Variants in UBA6 observed in about 807,000 individuals in gnomAD.
UBA6 encodes the protein ubiquitin-like modifier-activating enzyme 6.
UBA6 carries 87 observed loss-of-function variants against 148.3 expected under a neutral mutation model. That is an observed-to-expected ratio of 0.59 (90% confidence interval 0.49 to 0.70). UBA6 has a LOEUF of 0.70. Among genes scored for constraint, UBA6 ranks in the 30% least tolerant of loss-of-function variants. The pLI is 0.00. For synonymous variants in UBA6, 376 were observed against 401.0 expected (o/e 0.94, Z 0.75); for missense variants, 1,186 against 1,241.2 (o/e 0.96, Z 0.67).
chr4:67,673,395 G>A (rs1188039860), intron 7 of UBA6, among the ~76,000 whole-genome samples: 5 of 142,900 alleles, frequency 3.5e-5, no homozygotes, highest in African/African-American at 1.0e-4. Flanking sequence ...CAGCCTGGGC[G>A]ATAGAATGAG....
intron 13 of UBA6, among the ~76,000 whole-genome samples, chr4:67,653,738 C>T (rs1203770433): frequency 2.6e-5 from 4 of 152,040 alleles, no homozygotes; most frequent in South Asian, 4.1e-4. Flanking sequence ...CAAACTTCTC[C>T]GAGCTAAAGG....
In UBA6 at chr4:67,638,974, C is replaced by G. The variant is rs1729235732; in HGVS notation, c.1705G>C (p.Asp569His). The G allele has an allele frequency of 1.2e-6, 2 of 1,611,320 alleles. No individual in the cohort carries two copies. The highest frequency in any genetic ancestry group is 1.7e-6 in the Non-Finnish European group (2 of 1,178,506). The stretch of plus-strand genomic sequence containing the variant: ...ACGTATCTCCTGGCTTCCACATTAT[C>G]TAATGCTGTAATAATTACATCTTGT... ...TKQDVIITAL[D>H]NVEARRYVDS... The change falls in exon 19 of 33, where the codon GAT becomes CAT. Residue 569 changes from aspartate to histidine, a missense_variant. Asp to His is a moderately conservative substitution (Grantham distance 81, BLOSUM62 -1). Coordinates refer to ENST00000322244, the MANE Select transcript of UBA6 (RefSeq NM_018227.6).
At chr4:67,632,830 T>G (rs758835100) in intron 23 of UBA6, among the ~76,000 whole-genome samples, 18 of 144,316 alleles carry the variant, frequency 1.2e-4, no homozygotes, top group Non-Finnish European at 2.0e-4. Context: ...TGTTTTTTTG[T>G]TTTTTTTTAA....
chr4:67,665,768 GA>G, intron 9 of UBA6, among the ~76,000 whole-genome samples: 1 of 151,864 alleles, frequency 6.6e-6, no homozygotes, highest in East Asian at 1.9e-4. Flanking sequence ...ATCTTATAGA[GA>G]AAAAAGACAA....
At chr4:67,691,038 G>A (rs149495451) in intron 2 of UBA6, among the ~76,000 whole-genome samples, 3 of 151,994 alleles carry the variant, frequency 2.0e-5, no homozygotes, top group African/African-American at 7.2e-5. Context: ...TAAAAATATA[G>A]TTGTCCCGTG....
At chr4:67,662,124 T>C (rs777332848) in intron 13 of UBA6, 65 bp downstream of exon 13, 13 of 1,467,574 alleles carry the variant, frequency 8.9e-6, no homozygotes, top group African/African-American at 8.3e-5. Flanking sequence ...AAGAGAATAC[T>C]AATATACAGA....
At position 67,618,981 on chromosome 4, in the gene UBA6, G is replaced by A. The variant is rs538097073; in HGVS notation, c.*16C>T. Reference sequence around the variant, plus strand: ...CAAAATCAAGTGGTCCTGGAGTAACGTTAAGACAACTTGTATTAATCAGTG... The same window carrying A: ...CAAAATCAAGTGGTCCTGGAGTAACATTAAGACAACTTGTATTAATCAGTG... On this transcript the variant is annotated 3_prime_UTR_variant, in exon 33 of 33. Coordinates refer to ENST00000322244, the MANE Select transcript of UBA6 (RefSeq NM_018227.6). 14 of 1,611,284 alleles carry A rather than the reference G, an allele frequency of 8.7e-6. No homozygotes were observed. Among genetic ancestry groups the A allele is most frequent in the South Asian group, 5.5e-5 (5 of 90,192 alleles).
At chr4:67,662,366 C>A in intron 12 of UBA6, 111 bp from the exon 13 acceptor site, 1 of 862,142 alleles carries the variant, frequency 1.2e-6, no homozygotes, top group Non-Finnish European at 1.8e-6. Context: ...GGGATTTTTG[C>A]CAACAGGTAG....
intron 17 of UBA6, 39 bp downstream of exon 17, chr4:67,644,657 CAG>C (rs1560484881): frequency 8.5e-7 from 1 of 1,177,756 alleles, no homozygotes; most frequent in Non-Finnish European, 1.3e-6. Flanking sequence ...AGGGCAACAA[CAG>C]AAATATAAAC....
chr4:67,670,596 T>C lies in UBA6; in HGVS notation c.547-4A>G, dbSNP rs200816804. The C allele has an allele frequency of 1.0e-5, 16 of 1,600,506 alleles. No homozygotes were observed. Among genetic ancestry groups the C allele is most frequent in the African/African-American group, 1.3e-5 (1 of 74,226 alleles). ...CATGTACATCTGCACTGATAAACTG[T>C]AAAATGGCAAAAACAAGTTCAATCT... On this transcript the variant is annotated splice_polypyrimidine_tract_variant and splice_region_variant and intron_variant, in intron 7 of 32. Transcript: ENST00000322244.
At chr4:67,663,010 A>G in intron 12 of UBA6, 129 bp downstream of exon 12, 1 of 537,516 alleles carries the variant, frequency 1.9e-6, no homozygotes, top group Non-Finnish European at 3.1e-6. Flanking sequence ...GTCATAATAA[A>G]TGTTTGCACA....
chr4:67,633,399 C>G lies in UBA6; in HGVS notation c.2088G>C (p.Trp696Cys). The G allele has an allele frequency of 6.2e-7, 1 of 1,610,866 alleles. No homozygotes were observed. Among genetic ancestry groups the G allele is most frequent in the East Asian group, 2.2e-5 (1 of 44,674 alleles). Residue 696 changes from tryptophan (W) to cysteine (C), a missense_variant, in exon 23 of 33, where the codon TGG becomes TGC. Transcript: ENST00000322244. ...ATCTTGCTAATTCTACACACTGGGA[C>G]CAATTTCTAGGTCTTCTGCTAAGTA... ...IKLLSRRPRN[W>C]SQCVELARLK...
rs567127252 is a variant in UBA6 at position 67,618,774 on chromosome 4, T to C, written c.*223A>G. 7.4e-6 allele frequency: 3 copies of C among 406,172 alleles called. No individual in the cohort carries two copies. Among genetic ancestry groups the C allele is most frequent in the East Asian group, 3.9e-5 (1 of 25,580 alleles). 25.2% of individuals were successfully genotyped at this position (406,172 alleles called of 1,614,324 possible). ...TTGTAAATAGCATTCCAGTTCAAAG[T>C]TGCTTGTGATCATAGCCACGTGTGA... On this transcript the variant is annotated 3_prime_UTR_variant, in exon 33 of 33. Transcript: ENST00000322244.
intron 20 of UBA6, among the ~76,000 whole-genome samples, chr4:67,635,222 CT>C (rs1729108682): frequency 6.6e-6 from 1 of 151,930 alleles, no homozygotes; most frequent in African/African-American, 2.4e-5. Flanking sequence ...CTAAGCAGCT[CT>C]GAGAAATAAA....
At chr4:67,624,935 G>A (rs1162948338) in intron 29 of UBA6, 59 bp downstream of exon 29, 5 of 1,408,180 alleles carry the variant, frequency 3.6e-6, no homozygotes, top group Non-Finnish European at 4.9e-6. Context: ...GTATGACGGG[G>A]AAGTCAGGGA....
Position 67,616,438 on chromosome 4 carries a change from T to C in UBA6, c.*2559A>G, listed in dbSNP as rs369683892. On this transcript the variant is annotated 3_prime_UTR_variant, in exon 33 of 33. Coordinates refer to ENST00000322244, the MANE Select transcript of UBA6 (RefSeq NM_018227.6). ...GAGTGTGACATAGTAGATTAAAAAATAAAGATATACATTTATTTCCATGTC... is the reference window on the plus strand; with the variant it reads ...GAGTGTGACATAGTAGATTAAAAAACAAAGATATACATTTATTTCCATGTC... 3.8e-4 allele frequency: 102 copies of C among 269,376 alleles called. 1 individual carries two copies. The highest frequency in any genetic ancestry group is 1.9e-3 in the African/African-American group (90 of 46,158). The allele number at this position is 269,376 out of a possible 1,614,324, so 16.7% of individuals were successfully genotyped here. A position where few individuals can be genotyped will look rare whatever the true frequency, so the allele number is the denominator to read the frequency against.
intron 4 of UBA6, among the ~76,000 whole-genome samples, chr4:67,680,108 TG>T (rs1219614265): frequency 1.3e-5 from 2 of 152,114 alleles, no homozygotes; most frequent in East Asian, 3.9e-4. Context: ...TGGGGAAAAA[TG>T]TAGTATTTAT....
chr4:67,636,755 C>G (rs532638523), intron 19 of UBA6, among the ~76,000 whole-genome samples: 5 of 152,356 alleles, frequency 3.3e-5, no homozygotes, highest in South Asian at 2.1e-4. Flanking sequence ...CCTCCACCCC[C>G]CAGCCGCCTG....
At chr4:67,659,623 A>ATTCC (rs1729794859) in intron 13 of UBA6, among the ~76,000 whole-genome samples, 1 of 151,952 alleles carries the variant, frequency 6.6e-6, no homozygotes, top group Non-Finnish European at 1.5e-5. Context: ...TTATATAGGA[A>ATTCC]TATATAAAAT....
Sources: gnomAD v4.1 joint callset for allele counts (sites outside exome capture counted in the v4.1 genomes callset) on GRCh38, gnomAD v4.1.1 for gene constraint, MANE v1.5 for transcripts, NCBI Gene and HGNC (gene_info 2026-07-23, HGNC 2026-07-21) for gene names.